Variants in THSD7A observed in about 807,000 individuals in gnomAD.
THSD7A encodes the protein thrombospondin type 1 domain containing 7A.
THSD7A carries 96 observed loss-of-function variants against 231.3 expected under a neutral mutation model. The observed-to-expected ratio is 0.41, with a 90% CI of 0.35 to 0.49. The LOEUF is 0.49. Ranked by LOEUF, THSD7A falls within the 20% of genes least tolerant of loss-of-function variation. The probability of loss-of-function intolerance (pLI) is 0.05; values close to 1 mark genes in which losing one functional copy is unlikely to be tolerated. For synonymous variants in THSD7A, 940 were observed against 743.3 expected (o/e 1.26, Z -4.30); for missense variants, 2,290 against 2,070.2 (o/e 1.11, Z -2.06).
intron 6 of THSD7A, among the ~76,000 whole-genome samples, chr7:11,508,863 T>C (rs953340984): frequency 1.6e-4 from 25 of 152,180 alleles, no homozygotes; most frequent in African/African-American, 5.8e-4. Flanking sequence ...TACTGCACGA[T>C]TCCACTTATA....
At chr7:11,469,704 G>A (rs1326302566) in intron 9 of THSD7A, among the ~76,000 whole-genome samples, 175 bp downstream of exon 9, 1 of 152,060 alleles carries the variant, frequency 6.6e-6, no homozygotes, top group Admixed American at 6.6e-5. Flanking sequence ...CACTTGTCTG[G>A]TATTCTAAAG....
At chr7:11,769,141 A>T (rs1419111914) in intron 1 of THSD7A, among the ~76,000 whole-genome samples, 1,161 of 34,906 alleles carry the variant, frequency 0.033, 95 homozygotes, top group Non-Finnish European at 0.049. Flanking sequence ...ATATATATAT[A>T]TATATATATA....
intron 1 of THSD7A, among the ~76,000 whole-genome samples, chr7:11,739,205 G>A (rs990091971): frequency 6.6e-6 from 1 of 151,980 alleles, no homozygotes; most frequent in Non-Finnish European, 1.5e-5. Flanking sequence ...ACTTTAAGAA[G>A]CAAGGAAATT....
chr7:11,778,491 G>A (rs1471484033), intron 1 of THSD7A, among the ~76,000 whole-genome samples: 1 of 152,096 alleles, frequency 6.6e-6, no homozygotes, highest in African/African-American at 2.4e-5. Flanking sequence ...TATGTATTTA[G>A]TCTCTAGTTT....
At chr7:11,613,083 C>CT (rs1386730224) in intron 2 of THSD7A, among the ~76,000 whole-genome samples, 1 of 152,104 alleles carries the variant, frequency 6.6e-6, no homozygotes, top group African/African-American at 2.4e-5. Flanking sequence ...TCCCTAGAAT[C>CT]TTTGGTAAAA....
chr7:11,529,724 C>A (rs892051259), intron 6 of THSD7A, among the ~76,000 whole-genome samples: 1 of 152,090 alleles, frequency 6.6e-6, no homozygotes, highest in Admixed American at 6.5e-5. Context: ...GCCAATTAAA[C>A]CTCTTTCCTT....
intron 1 of THSD7A, among the ~76,000 whole-genome samples, chr7:11,712,187 A>T (rs1200414795): frequency 1.3e-5 from 2 of 151,044 alleles, no homozygotes; most frequent in African/African-American, 4.8e-5. Flanking sequence ...TTACCCAAAG[A>T]AAATGATGAC....
chr7:11,465,764 A>C (rs541911961), intron 9 of THSD7A, among the ~76,000 whole-genome samples: 188 of 152,280 alleles, frequency 1.2e-3, no homozygotes, highest in African/African-American at 4.3e-3. Context: ...ATTTCTCAAC[A>C]CAATAAATGC....
intron 1 of THSD7A, among the ~76,000 whole-genome samples, chr7:11,648,964 A>C (rs1235063301): frequency 1.3e-5 from 2 of 152,018 alleles, no homozygotes; most frequent in African/African-American, 2.4e-5. Context: ...GCCAGTCTCC[A>C]AGATGATTCC....
At chr7:11,525,357 T>C (rs953120590) in intron 6 of THSD7A, among the ~76,000 whole-genome samples, 1 of 152,124 alleles carries the variant, frequency 6.6e-6, no homozygotes, top group African/African-American at 2.4e-5. Context: ...TCATGTCAAA[T>C]TGAAAATAAA....
intron 24 of THSD7A, among the ~76,000 whole-genome samples, chr7:11,380,036 T>G (rs575000550): frequency 6.6e-6 from 1 of 152,202 alleles, no homozygotes; most frequent in Middle Eastern, 3.2e-3. Flanking sequence ...TGAATCCAAG[T>G]CCAGCAATTG....
At chr7:11,517,057 A>T (rs1293213782) in intron 6 of THSD7A, among the ~76,000 whole-genome samples, 3 of 152,184 alleles carry the variant, frequency 2.0e-5, no homozygotes, top group Non-Finnish European at 2.9e-5. Flanking sequence ...AAGCAAGAGA[A>T]CATATAAATA....
At chr7:11,795,339 T>C (rs1199475748) in intron 1 of THSD7A, among the ~76,000 whole-genome samples, 3 of 150,426 alleles carry the variant, frequency 2.0e-5, no homozygotes, top group Non-Finnish European at 3.0e-5. Context: ...AATATTCTTA[T>C]AACCCCGAGC....
intron 2 of THSD7A, among the ~76,000 whole-genome samples, 153 bp downstream of exon 2, chr7:11,635,977 C>G (rs1476265700): frequency 1.3e-5 from 2 of 151,962 alleles, no homozygotes; most frequent in African/African-American, 2.4e-5. Context: ...CACCGAGAAA[C>G]TCACACAAGC....
intron 1 of THSD7A, among the ~76,000 whole-genome samples, chr7:11,810,571 T>C (rs1375966139): frequency 1.3e-5 from 2 of 152,220 alleles, no homozygotes; most frequent in Non-Finnish European, 2.9e-5. Context: ...CTGTTACTGT[T>C]ATATTTGTAA....
chr7:11,810,522 A>T (rs1784503449), intron 1 of THSD7A, among the ~76,000 whole-genome samples: 1 of 152,168 alleles, frequency 6.6e-6, no homozygotes, highest in African/African-American at 2.4e-5. Context: ...ATGTTTGTGC[A>T]GTAAATAAAG....
At chr7:11,597,934 G>A (rs1229492755) in intron 2 of THSD7A, among the ~76,000 whole-genome samples, 2 of 152,172 alleles carry the variant, frequency 1.3e-5, no homozygotes, top group African/African-American at 4.8e-5. Flanking sequence ...GGCCTCATGG[G>A]GAGTTCCCTA....
At chr7:11,755,927 G>A (rs545691662) in intron 1 of THSD7A, among the ~76,000 whole-genome samples, 14 of 152,092 alleles carry the variant, frequency 9.2e-5, no homozygotes, top group South Asian at 2.1e-4. Context: ...AAAATACGCC[G>A]TATACATTCT....
intron 13 of THSD7A, among the ~76,000 whole-genome samples, chr7:11,436,570 A>G (rs1264382046): frequency 2.0e-5 from 3 of 152,056 alleles, no homozygotes; most frequent in Non-Finnish European, 2.9e-5. Context: ...ACTTTTTCAC[A>G]TAGCATTTCA....
Sources: allele counts gnomAD v4.1 joint callset (sites outside exome capture counted in the v4.1 genomes callset), GRCh38; gene constraint gnomAD v4.1.1; transcripts MANE v1.5; gene names NCBI Gene and HGNC (gene_info 2026-07-23, HGNC 2026-07-21).